Variants in ATP2B2 observed in about 807,000 individuals in gnomAD.
ATP2B2 encodes the protein plasma membrane calcium-transporting ATPase 2.
ATP2B2 carries 15 observed loss-of-function variants against 120.0 expected under a neutral mutation model. That is an observed-to-expected ratio of 0.12 (90% confidence interval 0.08 to 0.19). ATP2B2 has a LOEUF of 0.19. Among genes scored for constraint, ATP2B2 ranks in the 10% least tolerant of loss-of-function variants. ATP2B2 has a pLI of 1.00. For missense variants in ATP2B2, 1,045 were observed against 1,719.8 expected (o/e 0.61, Z 6.94); for synonymous variants, 694 against 700.3 (o/e 0.99, Z 0.14).
At chr3:10,602,213 C>T (rs558463465) in intron 2 of ATP2B2, among the ~76,000 whole-genome samples, 13 of 152,206 alleles carry the variant, frequency 8.5e-5, no homozygotes, top group Non-Finnish European at 1.9e-4. Flanking sequence ...CCTTTGGTCA[C>T]AGAATGTGGG....
chr3:10,531,477 G>T (rs1192258709), intron 3 of ATP2B2, among the ~76,000 whole-genome samples: 1 of 152,238 alleles, frequency 6.6e-6, no homozygotes, highest in Non-Finnish European at 1.5e-5. Flanking sequence ...ATGGGGATAA[G>T]AATGGTCATG....
chr3:10,503,089 G>A (rs181676829), intron 1 of ATP2B2, among the ~76,000 whole-genome samples: 124 of 152,340 alleles, frequency 8.1e-4, no homozygotes, highest in African/African-American at 1.6e-3. Context: ...CCATACCTGC[G>A]CCTGAGCTGG....
intron 2 of ATP2B2, among the ~76,000 whole-genome samples, chr3:10,586,206 T>C (rs770004475): frequency 1.3e-5 from 2 of 152,314 alleles, no homozygotes; most frequent in Non-Finnish European, 1.5e-5. Flanking sequence ...AAAAGTGGCA[T>C]TGGAGACTCC....
At chr3:10,474,476 A>G (rs1237170254) in intron 1 of ATP2B2, among the ~76,000 whole-genome samples, 1 of 152,208 alleles carries the variant, frequency 6.6e-6, no homozygotes. Context: ...CAGCCAGAGA[A>G]GGGAAAAGAC....
At chr3:10,560,358 G>A (rs1361773324) in intron 2 of ATP2B2, among the ~76,000 whole-genome samples, 2 of 152,176 alleles carry the variant, frequency 1.3e-5, no homozygotes, top group Non-Finnish European at 2.9e-5. Context: ...TTCCTGGGAG[G>A]TGCGGCCAAC....
intron 1 of ATP2B2, among the ~76,000 whole-genome samples, chr3:10,639,888 G>C (rs1027070253): frequency 1.2e-4 from 18 of 152,228 alleles, no homozygotes; most frequent in Non-Finnish European, 2.2e-4. Flanking sequence ...GAAGTGCTCA[G>C]GGGTGCAGTC....
At chr3:10,409,253 A>G (rs945321372) in intron 3 of ATP2B2, among the ~76,000 whole-genome samples, 2 of 152,358 alleles carry the variant, frequency 1.3e-5, no homozygotes, top group South Asian at 4.1e-4. Flanking sequence ...CCTATGTGAA[A>G]GTTGATCCCA....
chr3:10,340,759 GGA>G lies in ATP2B2; in HGVS notation c.2918-57_2918-56del. ...AAGGCAGTGGTGGGGGAATCAGAGG[GGA>G]GATGCCTGGCCTTTCGTGGGGGCCT... On this transcript the variant is annotated intron_variant, in intron 19 of 22. Coordinates refer to ENST00000360273, the MANE Select transcript of ATP2B2 (RefSeq NM_001001331.4). The surrounding 1 kb of genome is among the most constrained non-coding windows in gnomAD (Gnocchi z 5.0). 3.8e-6 allele frequency: 6 copies of G among 1,581,230 alleles called. No individual in the cohort carries two copies. Among genetic ancestry groups the G allele is most frequent in the Non-Finnish European group, 5.2e-6 (6 of 1,150,932 alleles).
At chr3:10,634,150 T>C (rs2069954329) in intron 1 of ATP2B2, among the ~76,000 whole-genome samples, 1 of 152,140 alleles carries the variant, frequency 6.6e-6, no homozygotes, top group South Asian at 2.1e-4. Context: ...GGCGACTGAG[T>C]TCCTTTCTGA....
chr3:10,660,362 A>C (rs148613060), intron 1 of ATP2B2, among the ~76,000 whole-genome samples: 4,060 of 152,284 alleles, frequency 0.027, 161 homozygotes, highest in African/African-American at 0.092. Flanking sequence ...AAGACTAATA[A>C]AGAAGAAAAG....
At chr3:10,370,385 G>A (rs1436609041) in intron 12 of ATP2B2, among the ~76,000 whole-genome samples, 1 of 152,230 alleles carries the variant, frequency 6.6e-6, no homozygotes, top group Non-Finnish European at 1.5e-5. Flanking sequence ...GAAGTCCTGG[G>A]GAGCAGAATA....
chr3:10,498,813 T>C (rs562604861), intron 1 of ATP2B2, among the ~76,000 whole-genome samples: 1 of 152,310 alleles, frequency 6.6e-6, no homozygotes, highest in South Asian at 2.1e-4. Flanking sequence ...TGCTCCACTA[T>C]GGCACGACTG....
At chr3:10,681,185 T>G (rs969640905) in intron 1 of ATP2B2, among the ~76,000 whole-genome samples, 2 of 152,162 alleles carry the variant, frequency 1.3e-5, no homozygotes, top group African/African-American at 4.8e-5. Context: ...TTAAACCTCT[T>G]TTCTTTATAA....
At chr3:10,661,245 G>A (rs6442194) in intron 1 of ATP2B2, among the ~76,000 whole-genome samples, 4 of 151,596 alleles carry the variant, frequency 2.6e-5, no homozygotes, top group Non-Finnish European at 5.9e-5. Context: ...AAGTTCTGGC[G>A]AGGGCAATCA....
In ATP2B2 at chr3:10,346,150, G is replaced by C; in HGVS notation, c.2405-13C>G. The C allele has an allele frequency of 1.9e-6, 3 of 1,608,480 alleles. No individual in the cohort carries two copies. Among genetic ancestry groups the C allele is most frequent in the Non-Finnish European group, 2.5e-6 (3 of 1,179,798 alleles). ...CTGTCGATGATGCCTGTTGGGGCAG[G>C]AGTGTGCTCAGGCCCTGGGCCACTC... On this transcript the variant is annotated splice_polypyrimidine_tract_variant and intron_variant, in intron 16 of 22. Transcript: ENST00000360273. This position sits in a 1 kb window ranked among gnomAD's most constrained non-coding sequence, Gnocchi z 4.1.
At chr3:10,338,144 G>A (rs1364364421) in intron 22 of ATP2B2, 32 bp downstream of exon 22, 1 of 1,612,888 alleles carries the variant, frequency 6.2e-7, no homozygotes, top group Non-Finnish European at 8.5e-7. Context: ...CCCCGGCCAG[G>A]CCTGGGCCCA....
intron 1 of ATP2B2, among the ~76,000 whole-genome samples, chr3:10,654,423 T>G (rs541868252): frequency 5.0e-4 from 76 of 151,676 alleles, no homozygotes; most frequent in African/African-American, 1.5e-3. Context: ...GACAACAGAG[T>G]TTCCAGGCTG....
At chr3:10,505,306 G>T (rs1453643741) in intron 1 of ATP2B2, among the ~76,000 whole-genome samples, 159 bp downstream of exon 1, 1 of 151,880 alleles carries the variant, frequency 6.6e-6, no homozygotes, top group South Asian at 2.1e-4. Context: ...AACAAGCCCT[G>T]CTCCCACCCC....
At chr3:10,475,156 C>A (rs182709612) in intron 1 of ATP2B2, among the ~76,000 whole-genome samples, 1 of 152,340 alleles carries the variant, frequency 6.6e-6, no homozygotes, top group East Asian at 1.9e-4. Flanking sequence ...GAGCCTCCCA[C>A]CTGCCACTGC....
Sources: gnomAD v4.1 joint callset for allele counts (sites outside exome capture counted in the v4.1 genomes callset) on GRCh38, gnomAD v4.1.1 for gene constraint, Gnocchi (gnomAD v3.1) non-coding constraint, MANE v1.5 for transcripts, NCBI Gene and HGNC (gene_info 2026-07-23, HGNC 2026-07-21) for gene names.